Variants in HPF1 observed in about 807,000 individuals in gnomAD.
HPF1 encodes the protein histone PARylation factor 1, also known as UPF0609 protein C4orf27.
A neutral mutation model predicts 38.8 loss-of-function variants in HPF1; 35 were observed. The observed-to-expected ratio is 0.90, with a 90% CI of 0.69 to 1.19. HPF1 has a LOEUF of 1.19. Among genes scored for constraint, HPF1 ranks in the 50% most tolerant of loss-of-function variants. HPF1 has a pLI of 0.00. For missense variants in HPF1, 367 were observed against 405.8 expected (o/e 0.90, Z 0.82); for synonymous variants, 115 against 139.2 (o/e 0.83, Z 1.22).
At chr4:169,734,618 G>A (rs1455538558) in intron 6 of HPF1, among the ~76,000 whole-genome samples, 1 of 152,162 alleles carries the variant, frequency 6.6e-6, no homozygotes, top group Non-Finnish European at 1.5e-5. Context: ...AAGAACATGA[G>A]TGAAGCCTTA....
chr4:169,731,679 GA>G, intron 7 of HPF1, 24 bp downstream of exon 7: 1 of 1,495,372 alleles, frequency 6.7e-7, no homozygotes, highest in Non-Finnish European at 8.9e-7. Flanking sequence ...GCAGTGGGTA[GA>G]AGGTGGAGGG....
chr4:169,733,254 C>A (rs1228558343), intron 6 of HPF1, among the ~76,000 whole-genome samples: 1 of 152,166 alleles, frequency 6.6e-6, no homozygotes, highest in Admixed American at 6.5e-5. Flanking sequence ...TACAAATTAA[C>A]ATTTCAATTT....
At chr4:169,733,298 G>C (rs1055897981) in intron 6 of HPF1, among the ~76,000 whole-genome samples, 1 of 152,148 alleles carries the variant, frequency 6.6e-6, no homozygotes, top group African/African-American at 2.4e-5. Flanking sequence ...CTTTCTGGAT[G>C]TTAATGTACA....
At chr4:169,752,563 ACT>A (rs1303360687) in intron 2 of HPF1, among the ~76,000 whole-genome samples, 1 of 151,656 alleles carries the variant, frequency 6.6e-6, no homozygotes, top group African/African-American at 2.4e-5. Context: ...ATATGTGTGT[ACT>A]CTCTCTCCCC....
chr4:169,737,608 T>G, intron 6 of HPF1, 52 bp downstream of exon 6: 1 of 1,157,092 alleles, frequency 8.6e-7, no homozygotes, highest in Non-Finnish European at 1.3e-6. Flanking sequence ...AAGCAAAACC[T>G]TTATTCATGT....
At chr4:169,742,144 C>G in intron 4 of HPF1, 37 bp from the exon 5 acceptor site, 1 of 1,590,566 alleles carries the variant, frequency 6.3e-7, no homozygotes, top group Non-Finnish European at 8.6e-7. Context: ...ATGTGGCAGG[C>G]CACTGTACTA....
chr4:169,754,918 T>C (rs1008889291), intron 1 of HPF1, among the ~76,000 whole-genome samples: 1 of 151,646 alleles, frequency 6.6e-6, no homozygotes, highest in South Asian at 2.1e-4. Context: ...TATATATTTT[T>C]TTATTTTATT....
Position 169,731,715 on chromosome 4 carries a change from A to T in HPF1, c.898T>A (p.Tyr300Asn). Residue 300 changes from tyrosine to asparagine, a missense_variant, in exon 7 of 8, where the codon TAT becomes AAT. Coordinates refer to ENST00000393381, the MANE Select transcript of HPF1 (RefSeq NM_017867.3). ...GLELGMDLFC[Y>N]GSHYFHKVAG... ...GTTTTTTTACTCACATGTGAGCCAT[A>T]GCAAAAGAGATCCATTCCCAATTCA... 1 of 1,551,944 alleles carries T rather than the reference A, an allele frequency of 6.4e-7. No homozygotes were observed. Among genetic ancestry groups the T allele is most frequent in the South Asian group, 1.3e-5 (1 of 79,386 alleles).
At chr4:169,736,523 T>TA (rs1398545654) in intron 6 of HPF1, among the ~76,000 whole-genome samples, 1 of 152,130 alleles carries the variant, frequency 6.6e-6, no homozygotes, top group Admixed American at 6.5e-5. Context: ...AACAGGTCCG[T>TA]ATGAGTAGCT....
intron 1 of HPF1, among the ~76,000 whole-genome samples, chr4:169,754,332 C>T (rs1454224672): frequency 6.6e-6 from 1 of 152,170 alleles, no homozygotes; most frequent in East Asian, 1.9e-4. Flanking sequence ...AGATACCTCC[C>T]TTTTGATTTT....
At chr4:169,746,397 A>T (rs1734047491) in intron 4 of HPF1, among the ~76,000 whole-genome samples, 1 of 152,100 alleles carries the variant, frequency 6.6e-6, no homozygotes, top group Non-Finnish European at 1.5e-5. Flanking sequence ...TATGCTTTCT[A>T]AGTTAACATT....
intron 3 of HPF1, among the ~76,000 whole-genome samples, chr4:169,749,596 A>T (rs186377744): frequency 1.1e-4 from 17 of 152,166 alleles, no homozygotes; most frequent in Middle Eastern, 3.4e-3. Flanking sequence ...GGGCATTTTT[A>T]AAAAAATTCA....
At chr4:169,738,804 C>CA (rs1348540651) in intron 5 of HPF1, among the ~76,000 whole-genome samples, 2 of 152,172 alleles carry the variant, frequency 1.3e-5, no homozygotes, top group African/African-American at 4.8e-5. Flanking sequence ...GAATACTATG[C>CA]AGCCATAAAA....
At chr4:169,754,837 A>G (rs1428244042) in intron 1 of HPF1, among the ~76,000 whole-genome samples, 1 of 152,206 alleles carries the variant, frequency 6.6e-6, no homozygotes, top group Non-Finnish European at 1.5e-5. Flanking sequence ...GGCATCCTCA[A>G]CAAAGACTAC....
chr4:169,750,828 A>C, intron 2 of HPF1, 103 bp from the exon 3 acceptor site: 6 of 859,120 alleles, frequency 7.0e-6, no homozygotes, highest in Non-Finnish European at 1.0e-5. Context: ...AAAAGTTTCT[A>C]AACTAAAAAA....
At chr4:169,732,245 A>C (rs1300804449) in intron 6 of HPF1, among the ~76,000 whole-genome samples, 1 of 150,576 alleles carries the variant, frequency 6.6e-6, no homozygotes, top group African/African-American at 2.4e-5. Flanking sequence ...GGTTCAAGCA[A>C]TTCTCCTGCC....
At chr4:169,747,431 T>C (rs1249800721) in intron 4 of HPF1, among the ~76,000 whole-genome samples, 1 of 152,174 alleles carries the variant, frequency 6.6e-6, no homozygotes, top group Non-Finnish European at 1.5e-5. Context: ...TAGGGTGATT[T>C]AGTTTGAATT....
rs370924890 is a variant in HPF1, at chr4:169,743,917, G to A, written c.498-1810C>T. The stretch of plus-strand genomic sequence containing the variant: ...CACAGAGGATAGTCAACTTACCCAA[G>A]TTGAGAGAGCTAATAGATTAAACCC... On this transcript the variant is annotated intron_variant, in intron 4 of 7. Transcript: ENST00000393381. Among the ~76,000 whole-genome samples, 4 of 151,474 alleles carry A rather than the reference G, an allele frequency of 2.6e-5. No individual in the cohort carries two copies. The East Asian group carries it at 7.7e-4, about 29-fold the overall frequency.
At chr4:169,730,667 A>G (rs1255629652) in intron 7 of HPF1, among the ~76,000 whole-genome samples, 1 of 152,204 alleles carries the variant, frequency 6.6e-6, no homozygotes, top group Non-Finnish European at 1.5e-5. Flanking sequence ...AAGCCTTCCC[A>G]TTGACGCTGA....
Sources: allele counts gnomAD v4.1 joint callset (sites outside exome capture counted in the v4.1 genomes callset), GRCh38; gene constraint gnomAD v4.1.1; transcripts MANE v1.5; gene names NCBI Gene and HGNC (gene_info 2026-07-23, HGNC 2026-07-21).